Variants in REEP1 observed in about 807,000 individuals in gnomAD.
REEP1 encodes the protein receptor expression-enhancing protein 1.
In REEP1, 22 loss-of-function variants were observed where a neutral mutation model predicts 40.3. That is an observed-to-expected ratio of 0.55 (90% CI 0.39 to 0.78). The LOEUF is 0.78. REEP1 is among the 30% of genes least tolerant of loss of function. REEP1 has a pLI of 0.00. For missense variants in REEP1, 280 were observed against 361.1 expected (o/e 0.78, Z 1.82); for synonymous variants, 116 against 139.2 (o/e 0.83, Z 1.17).
At chr2:86,291,454 C>T (rs1051573177) in intron 1 of REEP1, among the ~76,000 whole-genome samples, 3 of 152,168 alleles carry the variant, frequency 2.0e-5, no homozygotes, top group Non-Finnish European at 4.4e-5. Context: ...TGTGATTCTG[C>T]CAGCCTCTCT....
chr2:86,239,978 A>G (rs1016595295), intron 5 of REEP1: 12 of 152,444 alleles, frequency 7.9e-5, no homozygotes, highest in African/African-American at 2.9e-4. Flanking sequence ...TCGCTGCCCA[A>G]CTGGATCAGT....
chr2:86,251,951 C>T lies in REEP1; in HGVS notation c.417+6G>A. 1 of 1,596,668 alleles carries T rather than the reference C, an allele frequency of 6.3e-7. No individual in the cohort carries two copies. Among genetic ancestry groups the T allele is most frequent in the South Asian group, 1.1e-5 (1 of 90,718 alleles). On this transcript the variant is annotated splice_donor_region_variant and intron_variant, in intron 5 of 8. Coordinates refer to ENST00000538924, the MANE Select transcript of REEP1 (RefSeq NM_001371279.1). ...TCATGTAGTTGTGGTACTTCCAGCACAGTACCTTGGAAGCAGCCATCACAG... is the reference window on the plus strand; with the variant it reads ...TCATGTAGTTGTGGTACTTCCAGCATAGTACCTTGGAAGCAGCCATCACAG...
intron 1 of REEP1, among the ~76,000 whole-genome samples, chr2:86,303,032 G>A (rs1679321154): frequency 6.6e-6 from 1 of 151,968 alleles, no homozygotes; most frequent in South Asian, 2.1e-4. Context: ...AAGCTGAATT[G>A]CTTTTTAAAA....
Position 86,217,033 on chromosome 2 carries a change from T to G in REEP1, c.*6A>C, listed in dbSNP as rs748712035. Reference sequence around the variant, plus strand: ...CTGTGGATCCGGTGCTGTTGGCTCATCTCACTCACGTGGTTTCGGTGGCCG... The same window carrying G: ...CTGTGGATCCGGTGCTGTTGGCTCAGCTCACTCACGTGGTTTCGGTGGCCG... On this transcript the variant is annotated 3_prime_UTR_variant, in exon 9 of 9. Transcript: ENST00000538924. The G allele has an allele frequency of 6.8e-6, 11 of 1,612,890 alleles. No homozygotes were observed. Among genetic ancestry groups the G allele is most frequent in the Non-Finnish European group, 9.3e-6 (11 of 1,178,868 alleles).
rs17027137 is a variant in REEP1, at chr2:86,311,212, A to G, written c.32+26267T>C. Among the ~76,000 whole-genome samples the G allele has an allele frequency of 8.2e-3, 1,243 of 152,328 alleles. 21 individuals carry two copies. Among genetic ancestry groups the G allele is most frequent in the African/African-American group, 0.029 (1,199 of 41,560 alleles). On this transcript the variant is annotated intron_variant, in intron 1 of 8. Transcript: ENST00000538924. The stretch of plus-strand genomic sequence containing the variant: ...ATTAAAATAATTGTGAGCACTAGAA[A>G]GGAAAGAGAAAAATACCGGGAGCCT...
intron 1 of REEP1, among the ~76,000 whole-genome samples, chr2:86,313,793 G>A (rs1351347389): frequency 1.3e-5 from 2 of 152,238 alleles, no homozygotes; most frequent in Non-Finnish European, 2.9e-5. Flanking sequence ...GGGCTAGGCA[G>A]ATCAGGGAGC....
chr2:86,307,304 C>A (rs1463138137), intron 1 of REEP1, among the ~76,000 whole-genome samples: 5 of 151,874 alleles, frequency 3.3e-5, no homozygotes, highest in African/African-American at 1.2e-4. Context: ...CATACCATTA[C>A]CTATAGTCAC....
intron 5 of REEP1, among the ~76,000 whole-genome samples, chr2:86,247,841 G>A (rs993909750): frequency 1.3e-5 from 2 of 152,058 alleles, no homozygotes; most frequent in African/African-American, 4.8e-5. Flanking sequence ...AAAGTGTTGG[G>A]ATTATAGGAA....
At chr2:86,237,003 G>A (rs1558878680) in intron 5 of REEP1, among the ~76,000 whole-genome samples, 1 of 152,132 alleles carries the variant, frequency 6.6e-6, no homozygotes, top group South Asian at 2.1e-4. Context: ...CAAAGTGCTG[G>A]GATTACAGGC....
intron 1 of REEP1, among the ~76,000 whole-genome samples, chr2:86,326,128 G>A (rs1226968632): frequency 3.3e-5 from 5 of 152,170 alleles, no homozygotes; most frequent in East Asian, 1.9e-4. Flanking sequence ...AAACAGCACT[G>A]GGCAGGCAGA....
At position 86,214,688 on chromosome 2, in the gene REEP1, C is replaced by A. The variant is rs373902679; in HGVS notation, c.*2351G>T. ...ACACATTTTGCCAGAAATATGACAG[C>A]TGCTTTCAGTTGTACAGTGAGTGTC... On this transcript the variant is annotated 3_prime_UTR_variant, in exon 9 of 9. Coordinates refer to ENST00000538924, the MANE Select transcript of REEP1 (RefSeq NM_001371279.1). 10 of 152,760 alleles carry A rather than the reference C, an allele frequency of 6.5e-5. No individual in the cohort carries two copies. The highest frequency in any genetic ancestry group is 2.2e-4 in the African/African-American group (9 of 41,578). The allele number at this position is 152,760 out of a possible 1,614,324, so 9.5% of individuals were successfully genotyped here.
intron 1 of REEP1, chr2:86,297,669 T>A (rs1679051103): frequency 1.0e-6 from 1 of 983,598 alleles, no homozygotes; most frequent in South Asian, 4.7e-5. Context: ...GAACACTTAC[T>A]TTTCCAAGGT....
chr2:86,320,545 T>C (rs938930282), intron 1 of REEP1, among the ~76,000 whole-genome samples: 1 of 152,148 alleles, frequency 6.6e-6, no homozygotes, highest in Non-Finnish European at 1.5e-5. Context: ...CCCTGAAAAA[T>C]AGTTTAGATG....
intron 2 of REEP1, among the ~76,000 whole-genome samples, chr2:86,267,875 TA>T (rs1349141727): frequency 6.6e-6 from 1 of 151,474 alleles, no homozygotes; most frequent in Non-Finnish European, 1.5e-5. Context: ...ATAACCCAGT[TA>T]AAAACGTGCA....
intron 5 of REEP1, among the ~76,000 whole-genome samples, chr2:86,237,368 G>A (rs1043597634): frequency 1.3e-5 from 2 of 152,226 alleles, no homozygotes; most frequent in African/African-American, 4.8e-5. Context: ...AACAGAGAAT[G>A]ATATGGCATG....
chr2:86,297,387 T>C lies in REEP1; in HGVS notation c.33-15145A>G, dbSNP rs147129271. Reference sequence around the variant, plus strand: ...AAATGTGGTGTCAAATGGGATAATATACGTTATGATACTTGAAAATGGAAA... The same window carrying C: ...AAATGTGGTGTCAAATGGGATAATACACGTTATGATACTTGAAAATGGAAA... On this transcript the variant is annotated intron_variant, in intron 1 of 8. Coordinates refer to ENST00000538924, the MANE Select transcript of REEP1 (RefSeq NM_001371279.1). 2.1e-3 allele frequency among the ~76,000 whole-genome samples: 324 copies of C among 152,344 alleles called. 3 individuals are homozygous for C. The highest frequency in any genetic ancestry group is 1.2e-3 in the Non-Finnish European group (85 of 68,030).
intron 1 of REEP1, among the ~76,000 whole-genome samples, chr2:86,307,873 A>G (rs978578607): frequency 2.0e-5 from 3 of 152,256 alleles, no homozygotes; most frequent in African/African-American, 7.2e-5. Context: ...AATTAAGTTG[A>G]CAAATAGAAA....
chr2:86,292,350 A>G (rs1678756303), intron 1 of REEP1, among the ~76,000 whole-genome samples: 1 of 152,182 alleles, frequency 6.6e-6, no homozygotes, highest in African/African-American at 2.4e-5. Flanking sequence ...TTTAACCACA[A>G]AATGTTTTTC....
At chr2:86,227,258 C>A (rs1315307808) in intron 7 of REEP1, 105 bp downstream of exon 7, 2 of 904,158 alleles carry the variant, frequency 2.2e-6, no homozygotes, top group East Asian at 6.6e-5. Context: ...CTCCCTATGA[C>A]CATGCAGCTG....
Sources: allele counts gnomAD v4.1 joint callset (sites outside exome capture counted in the v4.1 genomes callset), GRCh38; gene constraint gnomAD v4.1.1; transcripts MANE v1.5; gene names NCBI Gene and HGNC (gene_info 2026-07-23, HGNC 2026-07-21).